Variants in PDE1A observed in about 807,000 individuals in gnomAD.
PDE1A encodes the protein phosphodiesterase 1A.
A neutral mutation model predicts 61.7 loss-of-function variants in PDE1A; 35 were observed. The observed-to-expected ratio is 0.57, with a 90% CI of 0.43 to 0.75. The LOEUF (loss-of-function observed/expected upper bound fraction) is 0.75. Ranked by LOEUF, PDE1A falls within the 30% of genes least tolerant of loss-of-function variation. The probability of loss-of-function intolerance (pLI) is 0.00; values close to 1 mark genes in which losing one functional copy is unlikely to be tolerated. For synonymous variants in PDE1A, 232 were observed against 213.2 expected, an observed-to-expected ratio of 1.09 and a Z score of -0.77; for missense variants, 597 against 630.6, an observed-to-expected ratio of 0.95 and a Z score of 0.57.
chr2:182,457,304 C>T (rs899582478), intron 2 of PDE1A, among the ~76,000 whole-genome samples: 4 of 151,818 alleles, frequency 2.6e-5, no homozygotes, highest in Non-Finnish European at 5.9e-5. Context: ...CATGAAATTA[C>T]CTGCATATGA....
At chr2:182,494,324 CTGTGT>C (rs58692166) in intron 2 of PDE1A, among the ~76,000 whole-genome samples, 62,778 of 151,110 alleles carry the variant, frequency 0.42, 13,260 homozygotes, top group African/African-American at 0.47. Context: ...GAAAAAGAAA[CTGTGT>C]AGACTATGGA....
chr2:182,604,277 T>C, the PDE1A span, among the ~76,000 whole-genome samples: 1 of 152,234 alleles, frequency 6.6e-6, no homozygotes, highest in Non-Finnish European at 1.5e-5. Flanking sequence ...ATAACCTGTC[T>C]AATTATTTGA....
At chr2:182,242,891 T>TCTCC (rs1553550690) in intron 2 of PDE1A, among the ~76,000 whole-genome samples, 3,117 of 127,658 alleles carry the variant, frequency 0.024, 82 homozygotes, top group Middle Eastern at 0.041. Flanking sequence ...TCCCTCTCTC[T>TCTCC]CTCTCTCCCT....
At chr2:182,625,631 C>A in the PDE1A span, among the ~76,000 whole-genome samples, 1 of 152,172 alleles carries the variant, frequency 6.6e-6, no homozygotes, top group Non-Finnish European at 1.5e-5. Context: ...CTGACAGAGT[C>A]TAAATTTCCT....
chr2:182,632,185 A>G, the PDE1A span, among the ~76,000 whole-genome samples: 1 of 152,086 alleles, frequency 6.6e-6, no homozygotes, highest in African/African-American at 2.4e-5. Flanking sequence ...CCAAACATAC[A>G]TTTCATCAGA....
intron 2 of PDE1A, among the ~76,000 whole-genome samples, chr2:182,519,084 T>A (rs56146343): frequency 0.066 from 10,019 of 152,132 alleles, 351 homozygotes; most frequent in Middle Eastern, 0.1. Context: ...TCAAACCAAC[T>A]TTCCACATGG....
intron 1 of PDE1A, among the ~76,000 whole-genome samples, chr2:182,348,259 T>G (rs1422204866): frequency 6.6e-6 from 1 of 152,144 alleles, no homozygotes; most frequent in Non-Finnish European, 1.5e-5. Context: ...CATTTCTCCA[T>G]TTTGTGTATG....
At chr2:182,592,983 C>A in the PDE1A span, among the ~76,000 whole-genome samples, 1 of 152,106 alleles carries the variant, frequency 6.6e-6, no homozygotes, top group Non-Finnish European at 1.5e-5. Context: ...TGGTGCCCAC[C>A]TAGAAGGAGG....
chr2:182,173,338 A>C (rs1692419314), intron 13 of PDE1A, among the ~76,000 whole-genome samples: 1 of 152,030 alleles, frequency 6.6e-6, no homozygotes, highest in South Asian at 2.1e-4. Context: ...AATGGATAAC[A>C]CACAAGCACA....
downstream of PDE1A, among the ~76,000 whole-genome samples, chr2:182,165,536 T>A (rs1691613191): frequency 6.6e-6 from 1 of 152,008 alleles, no homozygotes; most frequent in Non-Finnish European, 1.5e-5. Flanking sequence ...AGAGCAACTA[T>A]TAGTATTACC....
the PDE1A span, among the ~76,000 whole-genome samples, chr2:182,630,297 A>T: frequency 6.6e-6 from 1 of 152,112 alleles, no homozygotes; most frequent in African/African-American, 2.4e-5. Context: ...TAAGTCAGTG[A>T]TACAATTTTA....
At chr2:182,448,615 C>CA (rs1044691768) in intron 2 of PDE1A, among the ~76,000 whole-genome samples, 68 of 152,102 alleles carry the variant, frequency 4.5e-4, no homozygotes, top group African/African-American at 1.6e-3. Flanking sequence ...ACATTATATC[C>CA]AAAAAAACTA....
intron 1 of PDE1A, among the ~76,000 whole-genome samples, chr2:182,410,205 A>AT (rs978962489): frequency 2.2e-4 from 32 of 148,220 alleles, no homozygotes; most frequent in African/African-American, 5.8e-4. Flanking sequence ...AAAAAGAAAA[A>AT]TTTTTTTTTT....
chr2:182,302,073 T>C (rs1336061779), intron 1 of PDE1A, among the ~76,000 whole-genome samples: 6 of 152,152 alleles, frequency 3.9e-5, no homozygotes, highest in East Asian at 3.8e-4. Context: ...GTAGCAGGAA[T>C]GGGGTGAAGT....
At chr2:182,410,283 C>T (rs1205458379) in intron 1 of PDE1A, among the ~76,000 whole-genome samples, 1 of 152,098 alleles carries the variant, frequency 6.6e-6, no homozygotes, top group Non-Finnish European at 1.5e-5. Context: ...ACGAGGATCA[C>T]TTTAGCCTAG....
In PDE1A at chr2:182,299,086, C is replaced by A. The variant is rs377539373; in HGVS notation, c.54-34672G>T. 3.0e-4 allele frequency among the ~76,000 whole-genome samples: 46 copies of A among 152,012 alleles called. 1 individual carries two copies. The East Asian group carries it at 5.3e-3, about 17-fold the overall frequency. ...ATAGCAAATGTGTAGAGTATCAATT[C>A]CCCAATATTTTCGCCGAAATACCAG... On this transcript the variant is annotated intron_variant, in intron 1 of 13. Transcript: ENST00000351439.
At chr2:182,473,398 C>T (rs1343205076) in intron 2 of PDE1A, among the ~76,000 whole-genome samples, 1 of 151,880 alleles carries the variant, frequency 6.6e-6, no homozygotes, top group Admixed American at 6.6e-5. Flanking sequence ...GGGCTAATAT[C>T]CAGAATCTAC....
rs141033740 is a variant in PDE1A, at chr2:182,186,892, T to C, written c.1208-304A>G. On this transcript the variant is annotated intron_variant, in intron 11 of 13. Transcript: ENST00000351439. Reference sequence around the variant, plus strand: ...ATAATATACGATTGCTAACAATACATTTAGATCCAATGAGAGTGACTATAG... The same window carrying C: ...ATAATATACGATTGCTAACAATACACTTAGATCCAATGAGAGTGACTATAG... 4.7e-3 allele frequency among the ~76,000 whole-genome samples: 720 copies of C among 152,344 alleles called. 4 individuals carry two copies. The highest frequency in any genetic ancestry group is 0.017 in the African/African-American group (690 of 41,576).
intron 1 of PDE1A, among the ~76,000 whole-genome samples, chr2:182,392,043 A>C (rs1430583470): frequency 1.3e-5 from 2 of 152,180 alleles, no homozygotes; most frequent in African/African-American, 4.8e-5. Context: ...CACTACTGAC[A>C]ATTTATACTG....
Sources: allele counts gnomAD v4.1 joint callset (sites outside exome capture counted in the v4.1 genomes callset), GRCh38; gene constraint gnomAD v4.1.1; transcripts MANE v1.5; gene names NCBI Gene and HGNC (gene_info 2026-07-23, HGNC 2026-07-21).